The following TRIP12 variants were observed in gnomAD, a reference collection of about 807,000 sequenced individuals.
The protein encoded by TRIP12 is E3 ubiquitin-protein ligase TRIP12.
Under a neutral mutation model 244.2 loss-of-function variants are expected in TRIP12, and 25 were observed. The ratio of observed to expected loss-of-function variants is 0.10; its 90% confidence interval spans 0.07 to 0.14. The LOEUF is 0.14. Among genes scored for constraint, TRIP12 ranks in the 10% least tolerant of loss-of-function variants. The pLI, the probability that TRIP12 is intolerant of heterozygous loss-of-function variation, is 1.00. For synonymous variants in TRIP12, 905 were observed against 873.1 expected, an observed-to-expected ratio of 1.04 and a Z score of -0.64; for missense variants, 1,677 against 2,486.4, an observed-to-expected ratio of 0.67 and a Z score of 6.92.
chr2:229,844,122 T>G (rs1363543245), intron 4 of TRIP12, among the ~76,000 whole-genome samples: 2 of 152,154 alleles, frequency 1.3e-5, no homozygotes, highest in Non-Finnish European at 2.9e-5. Flanking sequence ...GATTGAGGAG[T>G]GACAATGACC....
chr2:229,840,697 C>T (rs1007454030), intron 5 of TRIP12, 125 bp downstream of exon 5: 14 of 731,220 alleles, frequency 1.9e-5, no homozygotes, highest in South Asian at 1.6e-4. Flanking sequence ...AGCAAGACTC[C>T]GTCAAAAAAC....
upstream of TRIP12, chr2:229,922,581 A>AT: frequency 6.2e-7 from 1 of 1,614,054 alleles, no homozygotes. Flanking sequence ...AGCAAAGACT[A>AT]TTACCAGTTA....
At chr2:229,815,996 T>A (rs777937133) in intron 9 of TRIP12, among the ~76,000 whole-genome samples, 12 of 152,192 alleles carry the variant, frequency 7.9e-5, no homozygotes, top group Non-Finnish European at 1.5e-4. Context: ...GCAAAACTGC[T>A]GAGGATACAC....
intron 4 of TRIP12, among the ~76,000 whole-genome samples, chr2:229,846,251 G>A (rs1256394204): frequency 3.9e-5 from 6 of 152,092 alleles, no homozygotes; most frequent in South Asian, 2.1e-4. Flanking sequence ...GAAATCTTTC[G>A]TGGAAGCAAA....
Position 229,792,027 on chromosome 2 carries a change from C to G in TRIP12, c.4254G>C (p.Arg1418Ser). The G allele has an allele frequency of 6.2e-7, 1 of 1,614,108 alleles. No individual in the cohort carries two copies. The highest frequency in any genetic ancestry group is 8.5e-7 in the Non-Finnish European group (1 of 1,179,978). ...AATGTTCTCCAATATAAAACTGCAG[C>G]CTGTGTCTTACATTTCCTGAATTTA... ...QFLNSGNVRHRLQFYIGEHLL... is the reference protein window; with the variant it reads ...QFLNSGNVRHSLQFYIGEHLL... Residue 1418 changes from arginine (R) to serine (S), a missense_variant, in exon 29 of 42, where the codon AGG becomes AGC. Physicochemically the swap from Arg to Ser is moderately radical, Grantham distance 110 (BLOSUM62 -1). Around this residue, in one of 11 missense-constraint regions of TRIP12, gnomAD observed 265 missense variants for 370.8 expected, o/e 0.71. Coordinates refer to ENST00000675903, the MANE Select transcript of TRIP12 (RefSeq NM_001348323.3).
intron 1 of TRIP12, among the ~76,000 whole-genome samples, chr2:229,891,033 T>C (rs1325426760): frequency 6.6e-6 from 1 of 152,138 alleles, no homozygotes; most frequent in African/African-American, 2.4e-5. Context: ...ATCCCAGCAC[T>C]ATGGGAGGCC....
Position 229,798,871 on chromosome 2 carries a change from T to TC in TRIP12, c.3482+3dup. ...GAAGAAACATAAAACTCCCCCCACT[T>TC]CACCTATTATTGGAGATGGTATCCT... On this transcript the variant is annotated splice_donor_region_variant and intron_variant, in intron 23 of 41. Coordinates refer to ENST00000675903, the MANE Select transcript of TRIP12 (RefSeq NM_001348323.3). 1 of 1,611,362 alleles carries TC rather than the reference T, an allele frequency of 6.2e-7. No homozygotes were observed. The highest frequency in any genetic ancestry group is 8.5e-7 in the Non-Finnish European group (1 of 1,179,276).
Position 229,797,708 on chromosome 2 carries a change from G to C in TRIP12, c.3606C>G (p.Thr1202=). Residue 1202 remains threonine (T), a synonymous_variant, in exon 24 of 42, where the codon ACC becomes ACG. Coordinates refer to ENST00000675903, the MANE Select transcript of TRIP12 (RefSeq NM_001348323.3). The part of the protein sequence containing the change: ...LNVLQRLCAA[T]EQLNLQVDGG... ...ACAGCACCTGGAGGTTGAGTTGTTC[G>C]GTTGCAGCACAAAGTCTCTGAAGGA... 2.5e-6 allele frequency: 4 copies of C among 1,613,478 alleles called. No homozygotes were observed. The highest frequency in any genetic ancestry group is 3.4e-6 in the Non-Finnish European group (4 of 1,179,666).
At chr2:229,832,552 G>A (rs1211126002) in intron 6 of TRIP12, among the ~76,000 whole-genome samples, 1 of 152,184 alleles carries the variant, frequency 6.6e-6, no homozygotes, top group African/African-American at 2.4e-5. Context: ...CTTACAGGTA[G>A]GCAGCATTTA....
chr2:229,811,280 C>A, intron 13 of TRIP12, 76 bp from the exon 14 acceptor site: 2 of 1,412,136 alleles, frequency 1.4e-6, no homozygotes, highest in South Asian at 1.3e-5. Context: ...ACTTTATCTT[C>A]CTCCTAACCC....
At chr2:229,857,750 T>G (rs1045712797) in intron 4 of TRIP12, among the ~76,000 whole-genome samples, 1 of 152,188 alleles carries the variant, frequency 6.6e-6, no homozygotes, top group Non-Finnish European at 1.5e-5. Flanking sequence ...AGTTCCTGGA[T>G]ATCTCCAAAA....
At position 229,791,990 on chromosome 2, in the gene TRIP12, T is replaced by C; in HGVS notation, c.4291A>G (p.Asn1431Asp). The change falls in exon 29 of 42, where the codon AAC becomes GAC. Residue 1431 changes from asparagine to aspartate, a missense_variant. Physicochemically the swap from Asn to Asp is conservative, Grantham distance 23 (BLOSUM62 1). This residue lies in a region of TRIP12 where 265 missense variants were observed against 370.8 expected (regional missense o/e 0.71). Transcript: ENST00000675903. ...FYIGEHLLPY[N>D]MTVYQAVRQF... ...CGTACTGCCTGATACACAGTCATGT[T>C]ATACGGCAGCAAATGTTCTCCAATA... 1 of 1,614,184 alleles carries C rather than the reference T, an allele frequency of 6.2e-7. No homozygotes were observed. The highest frequency in any genetic ancestry group is 1.1e-5 in the South Asian group (1 of 91,078).
At chr2:229,920,259 TG>T (rs1164311010) in intron 1 of TRIP12, among the ~76,000 whole-genome samples, 14 of 152,138 alleles carry the variant, frequency 9.2e-5, no homozygotes, top group Non-Finnish European at 1.5e-5. Flanking sequence ...CTTTAAAAAA[TG>T]AAATGCCAAA....
At chr2:229,865,970 CT>C (rs1330515380) in intron 2 of TRIP12, among the ~76,000 whole-genome samples, 1 of 152,086 alleles carries the variant, frequency 6.6e-6, no homozygotes, top group Admixed American at 6.5e-5. Context: ...AATACTGCCC[CT>C]AGGAAGCATT....
chr2:229,913,614 T>C (rs1488233159), intron 1 of TRIP12, among the ~76,000 whole-genome samples: 2 of 152,220 alleles, frequency 1.3e-5, no homozygotes, highest in African/African-American at 4.8e-5. Context: ...ATTTATATTC[T>C]ACACTCAGCT....
intron 1 of TRIP12, among the ~76,000 whole-genome samples, chr2:229,883,927 G>C (rs2065392816): frequency 6.6e-6 from 1 of 152,088 alleles, no homozygotes; most frequent in African/African-American, 2.4e-5. Flanking sequence ...TGGCCAACAT[G>C]GTGAAACTCC....
intron 23 of TRIP12, among the ~76,000 whole-genome samples, chr2:229,798,167 T>C (rs991056618): frequency 2.6e-5 from 4 of 152,228 alleles, no homozygotes; most frequent in Admixed American, 6.5e-5. Flanking sequence ...TTAACTTGTG[T>C]TTCCTGGAGA....
At chr2:229,780,369 T>C (rs549795513) in intron 34 of TRIP12, among the ~76,000 whole-genome samples, 3 of 152,346 alleles carry the variant, frequency 2.0e-5, no homozygotes, top group South Asian at 4.1e-4. Context: ...TCTGGTCCAC[T>C]GCTAAAGCCT....
intron 4 of TRIP12, among the ~76,000 whole-genome samples, chr2:229,852,409 A>G (rs559234554): frequency 6.6e-6 from 1 of 152,156 alleles, no homozygotes. Flanking sequence ...TTAGCAAAAT[A>G]TATTTTGAAG....
Sources: gnomAD v4.1 joint callset for allele counts (sites outside exome capture counted in the v4.1 genomes callset) on GRCh38, gnomAD v4.1.1 for gene constraint, gnomAD v4.1.1 regional missense constraint, MANE v1.5 for transcripts, NCBI Gene and HGNC (gene_info 2026-07-23, HGNC 2026-07-21) for gene names.